The following PACRG variants were observed in gnomAD, a reference collection of about 807,000 sequenced individuals.
PACRG encodes the protein parkin coregulated, also known as parkin coregulated gene protein.
Under a neutral mutation model 29.7 loss-of-function variants are expected in PACRG, and 29 were observed. That is an observed-to-expected ratio of 0.98 (90% confidence interval 0.73 to 1.33). The LOEUF (loss-of-function observed/expected upper bound fraction) is 1.33. Ranked by LOEUF, PACRG falls within the 40% of genes most tolerant of loss-of-function variation. The pLI is 0.00. For synonymous variants in PACRG, 116 were observed against 118.7 expected (o/e 0.98, Z 0.15); for missense variants, 279 against 316.2 (o/e 0.88, Z 0.89).
chr6:162,984,770 C>A (rs992008132), intron 2 of PACRG, among the ~76,000 whole-genome samples: 7 of 151,372 alleles, frequency 4.6e-5, no homozygotes, highest in Non-Finnish European at 1.0e-4. Context: ...TGATTTTGAG[C>A]AATTTTTCAT....
chr6:163,272,248 A>T (rs1361923425), intron 4 of PACRG, among the ~76,000 whole-genome samples: 2 of 152,084 alleles, frequency 1.3e-5, no homozygotes, highest in Non-Finnish European at 2.9e-5. Context: ...CATGTTGGTC[A>T]GGCTGGTCTT....
chr6:162,867,510 A>G (rs1489321215), intron 2 of PACRG, among the ~76,000 whole-genome samples: 2 of 152,114 alleles, frequency 1.3e-5, no homozygotes, highest in East Asian at 3.9e-4. Context: ...AAGCCGCTTC[A>G]GGTTCCTCTG....
At chr6:163,072,075 A>T (rs1273790018) in intron 3 of PACRG, among the ~76,000 whole-genome samples, 1 of 152,044 alleles carries the variant, frequency 6.6e-6, no homozygotes, top group Non-Finnish European at 1.5e-5. Flanking sequence ...AATACTTCCA[A>T]GTTCATTCTA....
intron 4 of PACRG, among the ~76,000 whole-genome samples, chr6:163,291,190 C>G (rs1187416421): frequency 7.0e-6 from 1 of 143,222 alleles, no homozygotes; most frequent in East Asian, 2.0e-4. Context: ...CCTGCCCGAG[C>G]TGGCCTGCGG....
chr6:163,009,730 G>A (rs147099792), intron 2 of PACRG, among the ~76,000 whole-genome samples: 2 of 152,124 alleles, frequency 1.3e-5, no homozygotes, highest in Non-Finnish European at 2.9e-5. Context: ...TAACCAGCTG[G>A]GATGGAGTTA....
At chr6:162,968,244 A>C (rs1272319355) in intron 2 of PACRG, among the ~76,000 whole-genome samples, 4 of 152,238 alleles carry the variant, frequency 2.6e-5, no homozygotes. Context: ...TATGAAAGTA[A>C]ACATCTGGTT....
intron 2 of PACRG, among the ~76,000 whole-genome samples, chr6:162,946,051 CA>C (rs1159478726): frequency 2.0e-5 from 3 of 151,214 alleles, no homozygotes; most frequent in Non-Finnish European, 4.4e-5. Context: ...ATGCCTGTGT[CA>C]AAAAAATAGA....
chr6:163,201,739 C>T (rs1314434122), intron 4 of PACRG, among the ~76,000 whole-genome samples: 1 of 152,208 alleles, frequency 6.6e-6, no homozygotes, highest in South Asian at 2.1e-4. Context: ...CTCACCTGCG[C>T]AATTAGGTAC....
At chr6:162,776,354 A>C (rs991163570) in intron 1 of PACRG, among the ~76,000 whole-genome samples, 13 of 152,156 alleles carry the variant, frequency 8.5e-5, no homozygotes, top group African/African-American at 2.9e-4. Flanking sequence ...GTCCTCATTC[A>C]GGTCACACAA....
chr6:162,747,347 T>C (rs1430893332), intron 1 of PACRG, among the ~76,000 whole-genome samples: 5 of 75,956 alleles, frequency 6.6e-5, no homozygotes, highest in South Asian at 6.3e-4. Flanking sequence ...TATATATATA[T>C]ATATATATAT....
chr6:163,121,829 A>AT (rs1434330042), intron 4 of PACRG, among the ~76,000 whole-genome samples: 182 of 151,376 alleles, frequency 1.2e-3, no homozygotes, highest in African/African-American at 4.1e-3. Flanking sequence ...TGCCTGGCTA[A>AT]TTTTTTGTAT....
chr6:163,289,647 C>A (rs1255553232), intron 4 of PACRG, among the ~76,000 whole-genome samples: 1 of 152,112 alleles, frequency 6.6e-6, no homozygotes, highest in Non-Finnish European at 1.5e-5. Context: ...TAAATCCTCA[C>A]TACGTGTGGC....
At chr6:163,236,114 G>A (rs1159162004) in intron 4 of PACRG, among the ~76,000 whole-genome samples, 1 of 140,808 alleles carries the variant, frequency 7.1e-6, no homozygotes, top group Non-Finnish European at 1.5e-5. Flanking sequence ...TTGAAAGATG[G>A]TGGGATATGC....
chr6:163,028,136 G>A (rs1458368152), intron 2 of PACRG, among the ~76,000 whole-genome samples: 1 of 152,168 alleles, frequency 6.6e-6, no homozygotes, highest in East Asian at 1.9e-4. Flanking sequence ...CAAGTGAAAT[G>A]GAAGTAAGTT....
At chr6:163,073,939 G>T (rs894644831) in intron 3 of PACRG, among the ~76,000 whole-genome samples, 1 of 152,172 alleles carries the variant, frequency 6.6e-6, no homozygotes, top group Middle Eastern at 3.4e-3. Context: ...GCAAATGTTG[G>T]TGAGGAAAAG....
At chr6:162,815,215 C>A (rs759309472) in intron 2 of PACRG, among the ~76,000 whole-genome samples, 1 of 152,022 alleles carries the variant, frequency 6.6e-6, no homozygotes, top group African/African-American at 2.4e-5. Context: ...GCAATTGACA[C>A]ATTTAACTGG....
intron 2 of PACRG, among the ~76,000 whole-genome samples, chr6:162,932,961 T>G (rs1359376584): frequency 1.3e-5 from 2 of 152,066 alleles, no homozygotes; most frequent in East Asian, 3.8e-4. Context: ...ATTAGGTTGT[T>G]TATTTGAATT....
chr6:163,032,689 A>G (rs1234121917), intron 2 of PACRG, among the ~76,000 whole-genome samples: 1 of 152,248 alleles, frequency 6.6e-6, no homozygotes, highest in Non-Finnish European at 1.5e-5. Flanking sequence ...TTTATATTTG[A>G]CAGTGCTTCC....
At chr6:162,994,250 G>T (rs1473289098) in intron 2 of PACRG, among the ~76,000 whole-genome samples, 1 of 144,896 alleles carries the variant, frequency 6.9e-6, no homozygotes, top group Non-Finnish European at 1.5e-5. Context: ...GAGTATCTTT[G>T]TGGCGTTCTC....
Sources: gnomAD v4.1 joint callset for allele counts (sites outside exome capture counted in the v4.1 genomes callset) on GRCh38, gnomAD v4.1.1 for gene constraint, MANE v1.5 for transcripts, NCBI Gene and HGNC (gene_info 2026-07-23, HGNC 2026-07-21) for gene names.